ADAM10: variants seen among roughly 807,000 people sequenced by gnomAD.
ADAM10 encodes the protein disintegrin and metalloproteinase domain-containing protein 10.
ADAM10 carries 17 observed loss-of-function variants against 90.1 expected under a neutral mutation model. That is an observed-to-expected ratio of 0.19 (90% confidence interval 0.13 to 0.28). The LOEUF (loss-of-function observed/expected upper bound fraction) is 0.28. Among genes scored for constraint, ADAM10 ranks in the 10% least tolerant of loss-of-function variants. The pLI, the probability that ADAM10 is intolerant of heterozygous loss-of-function variation, is 1.00. For synonymous variants in ADAM10, 310 were observed against 298.6 expected (o/e 1.04, Z -0.40); for missense variants, 610 against 914.3 (o/e 0.67, Z 4.29).
intron 1 of ADAM10, among the ~76,000 whole-genome samples, chr15:58,725,563 A>C (rs930984732): frequency 6.6e-6 from 1 of 151,616 alleles, no homozygotes; most frequent in African/African-American, 2.4e-5. Flanking sequence ...TTAAAAATAT[A>C]AATAAATAAA....
At chr15:58,695,735 A>G (rs1309422075) in intron 2 of ADAM10, among the ~76,000 whole-genome samples, 1 of 152,126 alleles carries the variant, frequency 6.6e-6, no homozygotes, top group African/African-American at 2.4e-5. Flanking sequence ...TAATCCCAAC[A>G]TTTTGGGAGG....
chr15:58,744,954 G>A (rs760430710), intron 1 of ADAM10, among the ~76,000 whole-genome samples: 7 of 152,302 alleles, frequency 4.6e-5, no homozygotes, highest in South Asian at 2.1e-4. Flanking sequence ...AGGCCAAGGC[G>A]GGCAGATCAC....
chr15:58,619,842 TG>T (rs1283765362), intron 11 of ADAM10, among the ~76,000 whole-genome samples: 1 of 151,784 alleles, frequency 6.6e-6, no homozygotes, highest in Non-Finnish European at 1.5e-5. Flanking sequence ...AGGCGGAGCT[TG>T]TAGTGAGCAG....
rs1203293331 is a variant in ADAM10, at chr15:58,627,864, C to T, written c.1196G>A (p.Cys399Tyr). The change falls in exon 10 of 16, where the codon TGC becomes TAC. Residue 399 changes from cysteine to tyrosine, a missense_variant. This residue lies in a region of ADAM10 where 97 missense variants were observed against 221.4 expected (regional missense o/e 0.44). Coordinates refer to ENST00000260408, the MANE Select transcript of ADAM10 (RefSeq NM_001110.4). ...CAAATTCTTAGATTCTCCTGGTGTG[C>T]ACTCTGTTCCAGAATCATGCTGTCA... ...FGSPHDSGTE[C>Y]TPGESKNLGQ... 6.2e-7 allele frequency: 1 copy of T among 1,613,318 alleles called. No homozygotes were observed.
chr15:58,589,705 G>C lies in ADAM10; in HGVS notation c.*7842C>G, dbSNP rs1370199544. 2 of 152,230 alleles carry C rather than the reference G, an allele frequency of 1.3e-5. No homozygotes were observed. The highest frequency in any genetic ancestry group is 4.8e-5 in the African/African-American group (2 of 41,458). The allele number at this position is 152,230 out of a possible 1,614,324, so 9.4% of individuals were successfully genotyped here. The stretch of plus-strand genomic sequence containing the variant: ...AGGCAGGATTATATTGTAATATGGT[G>C]TGTGCTATGAGAGAAAGATGTATAA... On this transcript the variant is annotated 3_prime_UTR_variant, in exon 16 of 16. Transcript: ENST00000260408.
chr15:58,598,453 T>G (rs941821744), intron 15 of ADAM10, among the ~76,000 whole-genome samples: 12 of 152,234 alleles, frequency 7.9e-5, no homozygotes, highest in African/African-American at 2.9e-4. Context: ...ACTAAGATAC[T>G]GTCCTAGCAT....
At chr15:58,650,004 T>C (rs377213210) in intron 5 of ADAM10, among the ~76,000 whole-genome samples, 1 of 152,224 alleles carries the variant, frequency 6.6e-6, no homozygotes, top group Non-Finnish European at 1.5e-5. Flanking sequence ...TATTTTCTTA[T>C]ACTATCCAAA....
intron 2 of ADAM10, among the ~76,000 whole-genome samples, chr15:58,687,288 A>C (rs1341873941): frequency 1.3e-5 from 2 of 152,358 alleles, no homozygotes; most frequent in Admixed American, 1.3e-4. Context: ...TAAATGAAGC[A>C]GATTTGGTCT....
intron 2 of ADAM10, among the ~76,000 whole-genome samples, chr15:58,703,201 T>C (rs1273001902): frequency 6.6e-6 from 1 of 151,790 alleles, no homozygotes; most frequent in Non-Finnish European, 1.5e-5. Flanking sequence ...TCTTTAATTG[T>C]TTAGACTTCG....
intron 11 of ADAM10, among the ~76,000 whole-genome samples, chr15:58,615,536 C>T (rs1038605617): frequency 1.3e-5 from 2 of 152,096 alleles, no homozygotes; most frequent in African/African-American, 4.8e-5. Context: ...ACTCCCGGCT[C>T]GGCCTCCCAA....
At chr15:58,713,650 A>C (rs1344073726) in intron 2 of ADAM10, among the ~76,000 whole-genome samples, 1 of 152,200 alleles carries the variant, frequency 6.6e-6, no homozygotes, top group Non-Finnish European at 1.5e-5. Flanking sequence ...CCAAGCTAAG[A>C]GATGTATTTT....
At chr15:58,660,281 C>G (rs1442777068) in intron 5 of ADAM10, among the ~76,000 whole-genome samples, 1 of 152,018 alleles carries the variant, frequency 6.6e-6, no homozygotes, top group East Asian at 1.9e-4. Flanking sequence ...GCAGTCTCAA[C>G]CTTCTACATT....
intron 1 of ADAM10, chr15:58,733,230 C>G (rs942570852): frequency 2.0e-5 from 3 of 152,218 alleles, no homozygotes; most frequent in Non-Finnish European, 4.4e-5. Flanking sequence ...TGTGAGCTGT[C>G]AGCCAGAAGT....
intron 14 of ADAM10, chr15:58,610,062 C>T (rs1348048747): frequency 2.2e-5 from 12 of 545,692 alleles, no homozygotes; most frequent in East Asian, 3.2e-5. Context: ...CTAAGGAGCA[C>T]GGTAAAACAG....
chr15:58,658,763 CA>C (rs1896894187), intron 5 of ADAM10, among the ~76,000 whole-genome samples: 3 of 151,864 alleles, frequency 2.0e-5, no homozygotes, highest in African/African-American at 4.8e-5. Context: ...TAATTTTTTT[CA>C]TTTTCTAAAT....
chr15:58,747,885 G>A (rs762002142), intron 1 of ADAM10: 1 of 152,056 alleles, frequency 6.6e-6, no homozygotes, highest in Non-Finnish European at 1.5e-5. Context: ...ACTCAGTAAA[G>A]TGCCTCATGT....
chr15:58,699,368 T>C (rs1162609502), intron 2 of ADAM10, among the ~76,000 whole-genome samples: 1 of 152,130 alleles, frequency 6.6e-6, no homozygotes, highest in Non-Finnish European at 1.5e-5. Flanking sequence ...AGCTAACTGG[T>C]AGAGCAGATA....
chr15:58,604,468 T>C (rs1407654187), intron 14 of ADAM10, among the ~76,000 whole-genome samples: 2 of 152,204 alleles, frequency 1.3e-5, no homozygotes, highest in Non-Finnish European at 1.5e-5. Context: ...GAAGATATGT[T>C]TCTCTGGCCT....
intron 5 of ADAM10, among the ~76,000 whole-genome samples, chr15:58,654,338 T>C (rs1401877924): frequency 6.6e-6 from 1 of 152,194 alleles, no homozygotes; most frequent in Non-Finnish European, 1.5e-5. Context: ...TAAACTTTCC[T>C]CTTAGTACTG....
Sources: gnomAD v4.1 joint callset for allele counts (sites outside exome capture counted in the v4.1 genomes callset) on GRCh38, gnomAD v4.1.1 for gene constraint, gnomAD v4.1.1 regional missense constraint, MANE v1.5 for transcripts, NCBI Gene and HGNC (gene_info 2026-07-23, HGNC 2026-07-21) for gene names.